The following DUSP2 variants were observed in gnomAD, a reference collection of about 807,000 sequenced individuals.
DUSP2 encodes the protein dual specificity phosphatase 2, also known as dual specificity protein phosphatase 2.
In DUSP2, 20 loss-of-function variants were observed where a neutral mutation model predicts 23.3. That is an observed-to-expected ratio of 0.86 (90% confidence interval 0.60 to 1.25). The LOEUF (loss-of-function observed/expected upper bound fraction) is 1.25. DUSP2 is among the 50% of genes most tolerant of loss of function. DUSP2 has a pLI of 0.00. For synonymous variants in DUSP2, 231 were observed against 209.7 expected (o/e 1.10, Z -0.88); for missense variants, 435 against 452.6 (o/e 0.96, Z 0.35).
intron 2 of DUSP2, 67 bp from the exon 3 acceptor site, chr2:96,144,440 T>G (rs1682464654): frequency 6.5e-7 from 1 of 1,530,948 alleles, no homozygotes; most frequent in East Asian, 2.3e-5. Context: ...CAGCAGCGGG[T>G]GGAGACCCCA....
In DUSP2 at chr2:96,143,283, T is replaced by G; in HGVS notation, c.*540A>C. On this transcript the variant is annotated 3_prime_UTR_variant, in exon 4 of 4. Coordinates refer to ENST00000288943, the MANE Select transcript of DUSP2 (RefSeq NM_004418.4). ...GGCTAGGAGGAAGCGGGGGAGGGAGTGTTAAATGTCAGCTGAGCACAAATA... is the reference window on the plus strand; with the variant it reads ...GGCTAGGAGGAAGCGGGGGAGGGAGGGTTAAATGTCAGCTGAGCACAAATA... 1.3e-5 allele frequency: 2 copies of G among 153,454 alleles called. No homozygotes were observed. Among genetic ancestry groups the G allele is most frequent in the Non-Finnish European group, 2.9e-5 (2 of 69,240 alleles). 9.5% of individuals were successfully genotyped at this position (153,454 alleles called of 1,614,324 possible).
chr2:96,144,828 G>T lies in DUSP2; in HGVS notation c.443C>A (p.Ala148Asp). 1 of 1,565,014 alleles carries T rather than the reference G, an allele frequency of 6.4e-7. No homozygotes were observed. The highest frequency in any genetic ancestry group is 8.7e-7 in the Non-Finnish European group (1 of 1,155,810). ...CCPDLCSEAP[A>D]PALPPTGDKT... is the part of the protein sequence containing the mutation. ...GTCCCCTGTTGGCGGCAGCGCAGGGGCGGGGGCCTCAGAGCACAGATCGGG... is the reference window on the plus strand; with the variant it reads ...GTCCCCTGTTGGCGGCAGCGCAGGGTCGGGGGCCTCAGAGCACAGATCGGG... Residue 148 changes from alanine (A) to aspartate (D), a missense_variant, in exon 2 of 4, where the codon GCC becomes GAC. Transcript: ENST00000288943.
At chr2:96,144,680 A>T (rs563170454) in intron 2 of DUSP2, 81 bp downstream of exon 2, 1 of 1,311,640 alleles carries the variant, frequency 7.6e-7, no homozygotes, top group Non-Finnish European at 1.0e-6. Flanking sequence ...TCGCATCCCC[A>T]AATGGCAGGC....
Position 96,144,816 on chromosome 2 carries a change from G to A in DUSP2, c.455C>T (p.Pro152Leu), listed in dbSNP as rs761126265. ...LCSEAPAPALPPTGDKTSRSD... is the reference protein window; with the variant it reads ...LCSEAPAPALLPTGDKTSRSD... ...GCGGCTGGTTTTGTCCCCTGTTGGC[G>A]GCAGCGCAGGGGCGGGGGCCTCAGA... The change falls in exon 2 of 4, where the codon CCG (proline) becomes CTG (leucine). Residue 152 changes from proline to leucine, a missense_variant. By Grantham distance (98) the Pro-to-Leu change is moderately conservative. Coordinates refer to ENST00000288943, the MANE Select transcript of DUSP2 (RefSeq NM_004418.4). The A allele has an allele frequency of 2.5e-6, 4 of 1,572,550 alleles. No homozygotes were observed. Among genetic ancestry groups the A allele is most frequent in the Non-Finnish European group, 1.7e-6 (2 of 1,160,304 alleles).
Position 96,143,686 on chromosome 2 carries a change from T to G in DUSP2, c.*137A>C. The G allele has an allele frequency of 8.2e-6, 8 of 979,920 alleles. No homozygotes were observed. Among genetic ancestry groups the G allele is most frequent in the Non-Finnish European group, 1.0e-5 (7 of 668,454 alleles). The allele number at this position is 979,920 out of a possible 1,614,324, so 60.7% of individuals were successfully genotyped here. A position where few individuals can be genotyped will look rare whatever the true frequency, so the allele number is the denominator to read the frequency against. On this transcript the variant is annotated 3_prime_UTR_variant, in exon 4 of 4. Transcript: ENST00000288943. ...CATGCCGGCATTCCTAGAGCCCCCA[T>G]GTGGGGGCTTCTGAAACTCTGAGGA...
Position 96,144,180 on chromosome 2 carries a change from C to G in DUSP2, c.704G>C (p.Trp235Ser), listed in dbSNP as rs555380866. ...EDNQMVEISA[W>S]FQEAIGFIDW... ...AATGAAGCCTATGGCCTCCTGGAAC[C>G]AGGCACTGATCTCCACCATCTGGTT... The change falls in exon 3 of 4, where the codon TGG becomes TCG. Residue 235 changes from tryptophan (W) to serine (S), a missense_variant. By Grantham distance (177) the Trp-to-Ser change is radical. Transcript: ENST00000288943. The G allele has an allele frequency of 6.2e-7, 1 of 1,614,134 alleles. No homozygotes were observed. The highest frequency in any genetic ancestry group is 1.7e-5 in the Admixed American group (1 of 60,026).
At position 96,143,770 on chromosome 2, in the gene DUSP2, CCA is replaced by C; in HGVS notation, c.*51_*52del. The C allele has an allele frequency of 6.3e-7, 1 of 1,594,712 alleles. No individual in the cohort carries two copies. Among genetic ancestry groups the C allele is most frequent in the Non-Finnish European group, 8.6e-7 (1 of 1,168,562 alleles). ...CTGGCCCAGAGGGGAGCCCACCAGT[CCA>C]CAGTCAGCTCCTGCCAGCACAGTGG... On this transcript the variant is annotated 3_prime_UTR_variant, in exon 4 of 4. Coordinates refer to ENST00000288943, the MANE Select transcript of DUSP2 (RefSeq NM_004418.4).
intron 3 of DUSP2, 27 bp from the exon 4 acceptor site, chr2:96,144,064 C>T: frequency 6.2e-7 from 1 of 1,613,228 alleles, no homozygotes; most frequent in Non-Finnish European, 8.5e-7. Flanking sequence ...GGAGTGGTGT[C>T]AGACGGAATG....
intron 3 of DUSP2, 42 bp from the exon 4 acceptor site, chr2:96,144,079 C>A (rs1366442447): frequency 1.2e-6 from 2 of 1,612,898 alleles, no homozygotes; most frequent in South Asian, 2.2e-5. Flanking sequence ...GGAATGTGCA[C>A]AGCCCAGGAG....
At position 96,143,492 on chromosome 2, in the gene DUSP2, G is replaced by A; in HGVS notation, c.*331C>T. 1 of 256,700 alleles carries A rather than the reference G, an allele frequency of 3.9e-6. No homozygotes were observed. Among genetic ancestry groups the A allele is most frequent in the Non-Finnish European group, 7.6e-6 (1 of 131,296 alleles). 15.9% of individuals were successfully genotyped at this position (256,700 alleles called of 1,614,324 possible). A position where few individuals can be genotyped will look rare whatever the true frequency, so the allele number is the denominator to read the frequency against. On this transcript the variant is annotated 3_prime_UTR_variant, in exon 4 of 4. Transcript: ENST00000288943. ...GCTTGTTCCTTGGAGCTCTCAGGCTGCCAAGGGCTTCAACATGGTGGTGGA... is the reference window on the plus strand; with the variant it reads ...GCTTGTTCCTTGGAGCTCTCAGGCTACCAAGGGCTTCAACATGGTGGTGGA...
In DUSP2 at chr2:96,145,293, G is replaced by C; in HGVS notation, c.62C>G (p.Pro21Arg). The C allele has an allele frequency of 7.3e-7, 1 of 1,374,188 alleles. No homozygotes were observed. The highest frequency in any genetic ancestry group is 1.5e-5 in the African/African-American group (1 of 66,614). 85.1% of individuals were successfully genotyped at this position (1,374,188 alleles called of 1,614,324 possible). A position where few individuals can be genotyped will look rare whatever the true frequency, so the allele number is the denominator to read the frequency against. ...CAGCAGCGTGCGTTCCGCCTCCCGC[G>C]GATCCCGCAGCAGCGTGCCCAGCGC... Reference protein sequence around the residue: ...CAALGTLLRDPREAERTLLLD... With the variant: ...CAALGTLLRDRREAERTLLLD... Residue 21 changes from proline (P) to arginine (R), a missense_variant, in exon 1 of 4, where the codon CCG becomes CGG. Transcript: ENST00000288943.
Position 96,145,107 on chromosome 2 carries a change from C to G in DUSP2, c.248G>C (p.Gly83Ala). The change falls in exon 1 of 4, where the codon GGG becomes GCG. Residue 83 changes from glycine (G) to alanine (A), a missense_variant. Transcript: ENST00000288943. The stretch of plus-strand genomic sequence containing the variant: ...CAGCACCACGGCCCGCGCCAGCTCC[C>G]CGCGGACCAGGCGCGTCCGCAGCGC... The part of the protein sequence containing the change: ...DRALRTRLVR[G>A]ELARAVVLDE... 1 of 1,421,194 alleles carries G rather than the reference C, an allele frequency of 7.0e-7. No homozygotes were observed. The highest frequency in any genetic ancestry group is 9.1e-7 in the Non-Finnish European group (1 of 1,098,192). 88.0% of individuals were successfully genotyped at this position (1,421,194 alleles called of 1,614,324 possible).
Position 96,145,275 on chromosome 2 carries a change from G to T in DUSP2, c.80C>A (p.Thr27Lys). 1 of 1,337,724 alleles carries T rather than the reference G, an allele frequency of 7.5e-7. No individual in the cohort carries two copies. Among genetic ancestry groups the T allele is most frequent in the Non-Finnish European group, 9.5e-7 (1 of 1,049,770 alleles). The allele number at this position is 1,337,724 out of a possible 1,614,324, so 82.9% of individuals were successfully genotyped here. ...GAAGGGGCGGCAGTCCAGCAGCAGC[G>T]TGCGTTCCGCCTCCCGCGGATCCCG... Reference protein sequence around the residue: ...LLRDPREAERTLLLDCRPFLA... With the variant: ...LLRDPREAERKLLLDCRPFLA... The change falls in exon 1 of 4, where the codon ACG (threonine) becomes AAG (lysine). Residue 27 changes from threonine to lysine, a missense_variant. By Grantham distance (78) the Thr-to-Lys change is moderately conservative (BLOSUM62 -1). Transcript: ENST00000288943.
chr2:96,143,566 G>A lies in DUSP2; in HGVS notation c.*257C>T. The stretch of plus-strand genomic sequence containing the variant: ...GTCTAGCTGATTTCTGCCAGAGGAT[G>A]GGGAGGGAAAGAGCAGACACACCCT... On this transcript the variant is annotated 3_prime_UTR_variant, in exon 4 of 4. Transcript: ENST00000288943. 1.9e-6 allele frequency: 1 copy of A among 533,910 alleles called. No homozygotes were observed. Among genetic ancestry groups the A allele is most frequent in the Non-Finnish European group, 3.4e-6 (1 of 296,194 alleles). The allele number at this position is 533,910 out of a possible 1,614,324, so 33.1% of individuals were successfully genotyped here.
chr2:96,143,171 G>T lies in DUSP2; in HGVS notation c.*652C>A, dbSNP rs752112607. The T allele has an allele frequency of 3.3e-5, 5 of 152,658 alleles. No individual in the cohort carries two copies. Among genetic ancestry groups the T allele is most frequent in the Admixed American group, 6.5e-5 (1 of 15,290 alleles). 9.5% of individuals were successfully genotyped at this position (152,658 alleles called of 1,614,324 possible). A position where few individuals can be genotyped will look rare whatever the true frequency, so the allele number is the denominator to read the frequency against. On this transcript the variant is annotated 3_prime_UTR_variant, in exon 4 of 4. Coordinates refer to ENST00000288943, the MANE Select transcript of DUSP2 (RefSeq NM_004418.4). ...AGATGAGACCAGATGCTGGGTTGTTGTTTTTTAAATATAACAATATTTTAT... is the reference window on the plus strand; with the variant it reads ...AGATGAGACCAGATGCTGGGTTGTTTTTTTTTAAATATAACAATATTTTAT...
chr2:96,144,145 C>G lies in DUSP2; in HGVS notation c.730+9G>C. On this transcript the variant is annotated intron_variant, in intron 3 of 3. Transcript: ENST00000288943. ...CCCTCGGGATTTCTGGGCAGAGGTG[C>G]CCCCTTACCAATGAAGCCTATGGCC... 6.2e-7 allele frequency: 1 copy of G among 1,613,874 alleles called. No individual in the cohort carries two copies. Among genetic ancestry groups the G allele is most frequent in the Non-Finnish European group, 8.5e-7 (1 of 1,179,910 alleles).
rs1682438931 is a variant in DUSP2, at chr2:96,143,375, A to C, written c.*448T>G. 1 of 178,550 alleles carries C rather than the reference A, an allele frequency of 5.6e-6. No homozygotes were observed. The highest frequency in any genetic ancestry group is 1.2e-5 in the Non-Finnish European group (1 of 83,436). 11.1% of individuals were successfully genotyped at this position (178,550 alleles called of 1,614,324 possible). On this transcript the variant is annotated 3_prime_UTR_variant, in exon 4 of 4. Transcript: ENST00000288943. ...ACACACGCAACATGACACACCCATCACTTCCCAAGTCCCCAGCTTCCCCAG... is the reference window on the plus strand; with the variant it reads ...ACACACGCAACATGACACACCCATCCCTTCCCAAGTCCCCAGCTTCCCCAG...
At position 96,143,606 on chromosome 2, in the gene DUSP2, G is replaced by A. The variant is rs958996869; in HGVS notation, c.*217C>T. On this transcript the variant is annotated 3_prime_UTR_variant, in exon 4 of 4. Transcript: ENST00000288943. ...AGACACACCCTTGGTTCCCGACCCC[G>A]AATGAGGGCCAGCCTCAGTCCCCCA... The A allele has an allele frequency of 1.1e-5, 7 of 617,256 alleles. No homozygotes were observed. Among genetic ancestry groups the A allele is most frequent in the East Asian group, 5.7e-5 (2 of 35,358 alleles). The allele number at this position is 617,256 out of a possible 1,614,324, so 38.2% of individuals were successfully genotyped here. A position where few individuals can be genotyped will look rare whatever the true frequency, so the allele number is the denominator to read the frequency against.
At position 96,143,838 on chromosome 2, in the gene DUSP2, C is replaced by G; in HGVS notation, c.930G>C (p.Gln310His). The change falls in exon 4 of 4, where the codon CAG (glutamine) becomes CAC (histidine). Residue 310 changes from glutamine to histidine, a missense_variant. By Grantham distance (24) the Gln-to-His change is conservative. Transcript: ENST00000288943. ...FMGQLLQFET[Q>H]VLCH is the part of the protein sequence containing the mutation. The stretch of plus-strand genomic sequence containing the variant: ...GGGCACCACCTCAGTGACACAGCAC[C>G]TGGGTCTCAAACTGCAGCAGCTGCC... 6.2e-7 allele frequency: 1 copy of G among 1,613,234 alleles called. No individual in the cohort carries two copies. Among genetic ancestry groups the G allele is most frequent in the Non-Finnish European group, 8.5e-7 (1 of 1,180,008 alleles).
Sources: gnomAD v4.1 joint callset for allele counts on GRCh38, gnomAD v4.1.1 for gene constraint, MANE v1.5 for transcripts, NCBI Gene and HGNC (gene_info 2026-07-23, HGNC 2026-07-21) for gene names.